Variants in PITPNC1 observed in about 807,000 individuals in gnomAD.
The protein encoded by PITPNC1 is cytoplasmic phosphatidylinositol transfer protein 1.
Under a neutral mutation model 44.7 loss-of-function variants are expected in PITPNC1, and 18 were observed. The observed-to-expected ratio is 0.40, with a 90% confidence interval of 0.28 to 0.60. The LOEUF is 0.60. Ranked by LOEUF, PITPNC1 falls within the 20% of genes least tolerant of loss-of-function variation. The probability of loss-of-function intolerance (pLI) is 0.39; values close to 1 mark genes in which losing one functional copy is unlikely to be tolerated. For missense variants in PITPNC1, 290 were observed against 418.4 expected, an observed-to-expected ratio of 0.69 and a Z score of 2.68; for synonymous variants, 141 against 149.6, an observed-to-expected ratio of 0.94 and a Z score of 0.42.
intron 1 of PITPNC1, among the ~76,000 whole-genome samples, chr17:67,447,984 C>T (rs2039124252): frequency 1.3e-5 from 2 of 151,662 alleles, no homozygotes; most frequent in African/African-American, 4.9e-5. Context: ...CTTGCTCTGT[C>T]GCCCAGGCTG....
intron 1 of PITPNC1, among the ~76,000 whole-genome samples, chr17:67,474,145 G>C (rs2039592154): frequency 6.6e-6 from 1 of 152,126 alleles, no homozygotes; most frequent in Admixed American, 6.5e-5. Flanking sequence ...ATGGAGCGAA[G>C]TTCCTAGGAA....
At chr17:67,645,940 C>A (rs893746757) in intron 6 of PITPNC1, among the ~76,000 whole-genome samples, 2 of 152,186 alleles carry the variant, frequency 1.3e-5, no homozygotes, top group African/African-American at 2.4e-5. Flanking sequence ...GCCTGGCCAA[C>A]CTGGCAAAAG....
chr17:67,526,822 T>C (rs751433648), intron 1 of PITPNC1, among the ~76,000 whole-genome samples: 6 of 152,168 alleles, frequency 3.9e-5, no homozygotes, highest in Admixed American at 1.3e-4. Flanking sequence ...GCTTCTTCAG[T>C]ACATTATGCA....
chr17:67,467,315 A>T (rs1045019858), intron 1 of PITPNC1, among the ~76,000 whole-genome samples: 1 of 151,924 alleles, frequency 6.6e-6, no homozygotes, highest in Non-Finnish European at 1.5e-5. Context: ...CAGCCTCCCA[A>T]TGTGTTGGGA....
At chr17:67,647,472 T>TG (rs1567757564) in intron 6 of PITPNC1, among the ~76,000 whole-genome samples, 18 of 96,202 alleles carry the variant, frequency 1.9e-4, no homozygotes, top group African/African-American at 8.5e-4. Context: ...GGGTTTTTTT[T>TG]TTTTTTTTTT....
chr17:67,623,533 C>T lies in PITPNC1; in HGVS notation c.367-8610C>T, dbSNP rs528206556. Among the ~76,000 whole-genome samples the T allele has an allele frequency of 1.1e-4, 17 of 152,262 alleles. 1 individual carries two copies. The South Asian group carries it at 3.3e-3, about 30-fold the overall frequency. On this transcript the variant is annotated intron_variant, in intron 5 of 8. Coordinates refer to ENST00000581322, the MANE Select transcript of PITPNC1 (RefSeq NM_012417.4). ...CCGAGCAGCTGGGACTACAGGCATACGCCACCATGCCCAGCTAATTTCTGT... is the reference window on the plus strand; with the variant it reads ...CCGAGCAGCTGGGACTACAGGCATATGCCACCATGCCCAGCTAATTTCTGT...
intron 1 of PITPNC1, among the ~76,000 whole-genome samples, chr17:67,431,347 C>T (rs1007738395): frequency 1.1e-4 from 17 of 152,160 alleles, no homozygotes; most frequent in African/African-American, 3.1e-4. Flanking sequence ...AGTGAGCCAC[C>T]GCACCTGGCC....
chr17:67,594,544 A>G (rs1279003176), intron 5 of PITPNC1, among the ~76,000 whole-genome samples: 4 of 152,182 alleles, frequency 2.6e-5, no homozygotes, highest in Non-Finnish European at 5.9e-5. Context: ...TGCAAGCAGC[A>G]GACCCTCTGC....
At chr17:67,586,253 G>A (rs74425938) in intron 5 of PITPNC1, among the ~76,000 whole-genome samples, 2,786 of 152,142 alleles carry the variant, frequency 0.018, 77 homozygotes, top group African/African-American at 0.061. Flanking sequence ...GATACTGTTC[G>A]TGGAGTTTTT....
intron 8 of PITPNC1, among the ~76,000 whole-genome samples, chr17:67,677,456 T>A (rs1275640417): frequency 6.6e-6 from 1 of 151,826 alleles, no homozygotes; most frequent in African/African-American, 2.4e-5. Flanking sequence ...AGAGGCAGGA[T>A]ATAGGAAGAA....
chr17:67,480,685 C>T (rs1039759335), intron 1 of PITPNC1, among the ~76,000 whole-genome samples: 2 of 152,024 alleles, frequency 1.3e-5, no homozygotes, highest in South Asian at 2.1e-4. Context: ...GAAGGAACTA[C>T]CCCAAAATAT....
chr17:67,408,493 A>G (rs1446877314), intron 1 of PITPNC1, among the ~76,000 whole-genome samples: 2 of 152,034 alleles, frequency 1.3e-5, no homozygotes, highest in Admixed American at 6.6e-5. Context: ...TCGTGCCACT[A>G]CACTCCAGCC....
At chr17:67,664,120 C>T (rs867229291) in intron 6 of PITPNC1, among the ~76,000 whole-genome samples, 13 of 152,134 alleles carry the variant, frequency 8.5e-5, no homozygotes, top group East Asian at 1.9e-4. Flanking sequence ...GATGCCACCA[C>T]GCCCAGCTAA....
chr17:67,656,305 C>T (rs1341838786), intron 6 of PITPNC1, among the ~76,000 whole-genome samples: 2 of 152,072 alleles, frequency 1.3e-5, no homozygotes, highest in African/African-American at 2.4e-5. Context: ...CATCTTCCAG[C>T]GGCTCCAAAA....
intron 6 of PITPNC1, among the ~76,000 whole-genome samples, chr17:67,648,959 GC>G (rs1426512490): frequency 2.0e-5 from 3 of 152,136 alleles, no homozygotes; most frequent in Admixed American, 1.3e-4. Context: ...TTTGAGACCA[GC>G]CCAGACAATA....
rs914790071 is a variant in PITPNC1 at position 67,642,841 on chromosome 17, AT to A, written c.462+10614del. Among the ~76,000 whole-genome samples the A allele has an allele frequency of 4.9e-4, 72 of 147,736 alleles. 2 individuals carry two copies. Among genetic ancestry groups the A allele is most frequent in the South Asian group, 1.9e-3 (9 of 4,626 alleles). On this transcript the variant is annotated intron_variant, in intron 6 of 8. Coordinates refer to ENST00000581322, the MANE Select transcript of PITPNC1 (RefSeq NM_012417.4). ...ACTTCATCCTAGAGAAAGAGTTTTC[AT>A]TTTTTTTTTTAATTTTTCAAGGGGA...
chr17:67,428,863 C>T (rs1413627422), intron 1 of PITPNC1, among the ~76,000 whole-genome samples: 6 of 83,064 alleles, frequency 7.2e-5, no homozygotes, highest in South Asian at 4.0e-4. Context: ...TTTTTTGAGA[C>T]GGAGTCTCGC....
At position 67,395,983 on chromosome 17, in the gene PITPNC1, A is replaced by C. The variant is rs537725634; in HGVS notation, c.48+17781A>C. Among the ~76,000 whole-genome samples, 17 of 152,346 alleles carry C rather than the reference A, an allele frequency of 1.1e-4. No homozygotes were observed. In the East Asian group the frequency reaches 3.3e-3, roughly 29 times the overall value. ...TTCAAAATGAAAAATCTTTAGATTC[A>C]GGACTTAATAGTTCACCTCTTTTGG... On this transcript the variant is annotated intron_variant, in intron 1 of 8. Coordinates refer to ENST00000581322, the MANE Select transcript of PITPNC1 (RefSeq NM_012417.4).
Position 67,637,366 on chromosome 17 carries a change from T to G in PITPNC1, c.462+5128T>G, listed in dbSNP as rs1193918915. 3.3e-5 allele frequency among the ~76,000 whole-genome samples: 5 copies of G among 152,212 alleles called. No homozygotes were observed. In the East Asian group the frequency reaches 5.8e-4, roughly 18 times the overall value. ...TCTTTGTAAGTTGACGATGTCAGCG[T>G]CCTAAATAGAAACGCTCTTTATGTG... On this transcript the variant is annotated intron_variant, in intron 6 of 8. Transcript: ENST00000581322.
Sources: gnomAD v4.1 joint callset for allele counts (sites outside exome capture counted in the v4.1 genomes callset) on GRCh38, gnomAD v4.1.1 for gene constraint, MANE v1.5 for transcripts, NCBI Gene and HGNC (gene_info 2026-07-23, HGNC 2026-07-21) for gene names.